The following PCDHA9 variants were observed in gnomAD, a reference collection of about 807,000 sequenced individuals.
PCDHA9 encodes the protein protocadherin alpha-9.
Under a neutral mutation model 62.0 loss-of-function variants are expected in PCDHA9, and 62 were observed. The observed-to-expected ratio is 1.00, with a 90% confidence interval of 0.81 to 1.23. PCDHA9 has a LOEUF of 1.23. Among genes scored for constraint, PCDHA9 ranks in the 50% most tolerant of loss-of-function variants. The pLI, the probability that PCDHA9 is intolerant of heterozygous loss-of-function variation, is 0.00. For missense variants in PCDHA9, 1,205 were observed against 1,249.8 expected (o/e 0.96, Z 0.54); for synonymous variants, 557 against 567.6 (o/e 0.98, Z 0.27).
rs1202814862 is a variant in PCDHA9 at position 140,851,185 on chromosome 5, A to C, written c.2394+296A>C. On this transcript the variant is annotated intron_variant, in intron 1 of 3. Transcript: ENST00000532602. ...ATGCTGCCATAACACTTGAAAACCA[A>C]TTTAGTTGTTAGTCATTCATTAAAC... The C allele has an allele frequency of 2.4e-6, 3 of 1,237,650 alleles. No individual in the cohort carries two copies. In the African/African-American group the frequency reaches 4.7e-5, roughly 19 times the overall value. The allele number at this position is 1,237,650 out of a possible 1,614,324, so 76.7% of individuals were successfully genotyped here.
chr5:140,965,012 C>T (rs1405445486), intron 1 of PCDHA9, among the ~76,000 whole-genome samples: 2 of 152,188 alleles, frequency 1.3e-5, no homozygotes, highest in African/African-American at 4.8e-5. Flanking sequence ...GTCAGGATCA[C>T]AACCTTGGCT....
At chr5:140,949,009 G>A (rs1563235030) in intron 1 of PCDHA9, among the ~76,000 whole-genome samples, 1 of 151,574 alleles carries the variant, frequency 6.6e-6, no homozygotes, top group Non-Finnish European at 1.5e-5. Context: ...ATTTTTATAT[G>A]TGATGTTTTT....
intron 1 of PCDHA9, among the ~76,000 whole-genome samples, chr5:140,911,564 CTT>C (rs1188784239): frequency 6.6e-6 from 1 of 152,226 alleles, no homozygotes. Flanking sequence ...TCTTTCATCA[CTT>C]TGTCCAGTGA....
chr5:141,010,152 T>C lies in PCDHA9; in HGVS notation c.*215T>C. The C allele has an allele frequency of 1.3e-6, 2 of 1,575,858 alleles. No individual in the cohort carries two copies. The highest frequency in any genetic ancestry group is 1.7e-6 in the Non-Finnish European group (2 of 1,159,570). On this transcript the variant is annotated 3_prime_UTR_variant, in exon 4 of 4. Coordinates refer to ENST00000532602, the MANE Select transcript of PCDHA9 (RefSeq NM_031857.2). ...TGGTGTTAACTCTTTCTCTCCACTCTGGCTTGTTTTCAGAACCTAAAAAGC... is the reference window on the plus strand; with the variant it reads ...TGGTGTTAACTCTTTCTCTCCACTCCGGCTTGTTTTCAGAACCTAAAAAGC...
At chr5:140,883,272 C>T in intron 1 of PCDHA9, 1 of 1,613,880 alleles carries the variant, frequency 6.2e-7, no homozygotes, top group Non-Finnish European at 8.5e-7. Context: ...GGTCATTGTA[C>T]CCTTTTGGTG....
At chr5:140,916,760 G>A (rs1387005871) in intron 1 of PCDHA9, among the ~76,000 whole-genome samples, 1 of 152,180 alleles carries the variant, frequency 6.6e-6, no homozygotes, top group Non-Finnish European at 1.5e-5. Context: ...ATTAGGGGAG[G>A]GGTGGCACAA....
chr5:140,987,096 C>T (rs1266691790), intron 3 of PCDHA9, among the ~76,000 whole-genome samples: 3 of 151,912 alleles, frequency 2.0e-5, no homozygotes, highest in African/African-American at 7.3e-5. Context: ...TGCCTGTAAT[C>T]CCAGCTACTC....
chr5:140,855,864 G>A, intron 1 of PCDHA9: 6 of 775,890 alleles, frequency 7.7e-6, no homozygotes, highest in African/African-American at 1.7e-5. Context: ...TGTCGCTGTC[G>A]TCCACAAAAT....
rs2150486900 is a variant in PCDHA9, at chr5:140,850,511, C to T, written c.2016C>T (p.Ser672=). ...CTGTGCTGGTGTCGCTGGTGGAGAG[C>T]GGCCAGGCGCCAAAGTCATCGTCGC... ...TATVLVSLVE[S]GQAPKSSSRA... is the part of the protein sequence containing the mutation. Residue 672 remains serine, a synonymous_variant, in exon 1 of 4, where the codon AGC becomes AGT. Transcript: ENST00000532602. 2 of 1,598,036 alleles carry T rather than the reference C, an allele frequency of 1.3e-6. No individual in the cohort carries two copies. Among genetic ancestry groups the T allele is most frequent in the East Asian group, 2.2e-5 (1 of 44,844 alleles).
At chr5:140,860,192 C>CATATATATATATATATATATAT (rs143984774) in intron 1 of PCDHA9, 4 of 146,814 alleles carry the variant, frequency 2.7e-5, no homozygotes, top group Admixed American at 6.8e-5. Context: ...GCTCTCCTTA[C>CATATATATATATATATATATAT]ATATATATCT....
intron 1 of PCDHA9, among the ~76,000 whole-genome samples, chr5:140,946,015 G>A (rs246056): frequency 0.57 from 86,078 of 151,518 alleles, 25,094 homozygotes; most frequent in African/African-American, 0.71. Context: ...AAGCTCCTGC[G>A]CAGCAAAGAA....
chr5:140,860,428 T>A (rs1198179293), intron 1 of PCDHA9: 8 of 152,144 alleles, frequency 5.3e-5, no homozygotes, highest in African/African-American at 1.4e-4. Context: ...ATCCTGCAAA[T>A]ATGATCTTTT....
Position 140,883,198 on chromosome 5 carries a change from C to G in PCDHA9, c.2394+32309C>G, listed in dbSNP as rs145698462. 1.9e-6 allele frequency: 3 copies of G among 1,613,572 alleles called. No individual in the cohort carries two copies. Among genetic ancestry groups the G allele is most frequent in the Admixed American group, 1.7e-5 (1 of 59,932 alleles). On this transcript the variant is annotated intron_variant, in intron 1 of 3. Transcript: ENST00000532602. ...TTAGGACAAAAGGCAAACTAGATTT[C>G]GAAGAAAAGAAATTATATGAAATAT...
chr5:140,925,124 A>AGG (rs1554202565), intron 1 of PCDHA9, among the ~76,000 whole-genome samples: 1 of 151,856 alleles, frequency 6.6e-6, no homozygotes, highest in African/African-American at 2.4e-5. Flanking sequence ...GAAGGAAGGA[A>AGG]AAAAAATTTC....
At chr5:140,900,177 A>G (rs1213706705) in intron 1 of PCDHA9, among the ~76,000 whole-genome samples, 1 of 152,194 alleles carries the variant, frequency 6.6e-6, no homozygotes, top group South Asian at 2.1e-4. Context: ...TGCCTGGTTT[A>G]TGTCACTTAT....
chr5:140,986,758 G>A (rs1242772553), intron 3 of PCDHA9, among the ~76,000 whole-genome samples: 1 of 152,194 alleles, frequency 6.6e-6, no homozygotes, highest in Non-Finnish European at 1.5e-5. Context: ...ACTAAACAGT[G>A]AAAGATTAAT....
At chr5:141,005,822 C>T (rs1248291613) in intron 3 of PCDHA9, among the ~76,000 whole-genome samples, 2 of 151,298 alleles carry the variant, frequency 1.3e-5, no homozygotes, top group Non-Finnish European at 2.9e-5. Context: ...GTATGGTGGC[C>T]TGTAGTCCCA....
chr5:140,985,930 G>A (rs577670490), intron 3 of PCDHA9, among the ~76,000 whole-genome samples: 1 of 151,914 alleles, frequency 6.6e-6, no homozygotes, highest in East Asian at 1.9e-4. Flanking sequence ...TAGTAGAGCC[G>A]GGGTTTCACT....
intron 1 of PCDHA9, chr5:140,859,405 G>C (rs1222698496): frequency 4.0e-6 from 1 of 250,884 alleles, no homozygotes; most frequent in African/African-American, 2.3e-5. Context: ...ACAGGGTTGG[G>C]TTAGATGATA....
Sources: gnomAD v4.1 joint callset for allele counts (sites outside exome capture counted in the v4.1 genomes callset) on GRCh38, gnomAD v4.1.1 for gene constraint, MANE v1.5 for transcripts, NCBI Gene and HGNC (gene_info 2026-07-23, HGNC 2026-07-21) for gene names.